Variants in MAGI1 observed in about 807,000 individuals in gnomAD.
The protein encoded by MAGI1 is membrane-associated guanylate kinase, WW and PDZ domain-containing protein 1.
In MAGI1, 58 loss-of-function variants were observed where a neutral mutation model predicts 139.9. That is an observed-to-expected ratio of 0.41 (90% CI 0.34 to 0.52). The LOEUF (loss-of-function observed/expected upper bound fraction) is 0.52, where lower values mean the gene tolerates loss of function less well. Ranked by LOEUF, MAGI1 falls within the 20% of genes least tolerant of loss-of-function variation. The pLI is 0.12. For synonymous variants in MAGI1, 812 were observed against 737.9 expected (o/e 1.10, Z -1.63); for missense variants, 1,874 against 1,901.6 (o/e 0.99, Z 0.27).
chr3:65,972,135 G>A (rs2065040650), intron 1 of MAGI1, among the ~76,000 whole-genome samples: 1 of 152,164 alleles, frequency 6.6e-6, no homozygotes, highest in Non-Finnish European at 1.5e-5. Flanking sequence ...TTGCAAAGCA[G>A]TTCTTATCTC....
intron 1 of MAGI1, among the ~76,000 whole-genome samples, chr3:65,698,188 A>G (rs1271645381): frequency 8.4e-6 from 1 of 119,544 alleles, no homozygotes; most frequent in Admixed American, 7.7e-5. Context: ...GGACCTCTTC[A>G]AGGAGAACTA....
At chr3:65,943,049 C>G (rs2063386770) in intron 1 of MAGI1, among the ~76,000 whole-genome samples, 1 of 152,048 alleles carries the variant, frequency 6.6e-6, no homozygotes, top group Non-Finnish European at 1.5e-5. Context: ...AAAATGTTCA[C>G]AATACTGTTT....
intron 1 of MAGI1, among the ~76,000 whole-genome samples, chr3:65,964,638 T>C (rs2064645343): frequency 6.6e-6 from 1 of 152,230 alleles, no homozygotes; most frequent in South Asian, 2.1e-4. Flanking sequence ...AAGGCAGGGC[T>C]ATCGCCCTTA....
chr3:65,578,025 C>T lies in MAGI1; in HGVS notation c.430+43947G>A, dbSNP rs182859090. On this transcript the variant is annotated intron_variant, in intron 2 of 22. Coordinates refer to ENST00000402939, the MANE Select transcript of MAGI1 (RefSeq NM_001033057.2). ...ATTCTACTGGAAATGCAATGCTGTCCGCCCCTTGGCCTTCTACCCAGCATG... is the reference window on the plus strand; with the variant it reads ...ATTCTACTGGAAATGCAATGCTGTCTGCCCCTTGGCCTTCTACCCAGCATG... Among the ~76,000 whole-genome samples, 101 of 152,306 alleles carry T rather than the reference C, an allele frequency of 6.6e-4. 2 individuals are homozygous for T. The East Asian group carries it at 0.019, about 28-fold the overall frequency.
chr3:65,670,582 G>A (rs1354410993), intron 1 of MAGI1, among the ~76,000 whole-genome samples: 2 of 151,956 alleles, frequency 1.3e-5, no homozygotes, highest in African/African-American at 4.8e-5. Flanking sequence ...TATAACAAAG[G>A]TCTTTACCTG....
chr3:65,597,509 C>G (rs2082272263), intron 2 of MAGI1, among the ~76,000 whole-genome samples: 1 of 151,884 alleles, frequency 6.6e-6, no homozygotes, highest in African/African-American at 2.4e-5. Context: ...TTTCTCCCCC[C>G]TCCCCCTTCC....
At chr3:65,901,755 T>C (rs1281815711) in intron 1 of MAGI1, among the ~76,000 whole-genome samples, 1 of 152,192 alleles carries the variant, frequency 6.6e-6, no homozygotes, top group Non-Finnish European at 1.5e-5. Context: ...AGACTAATTC[T>C]ACTGTTCTCA....
At chr3:65,589,390 T>C (rs2081854261) in intron 2 of MAGI1, among the ~76,000 whole-genome samples, 1 of 152,132 alleles carries the variant, frequency 6.6e-6, no homozygotes, top group African/African-American at 2.4e-5. Context: ...TAAGTCACCC[T>C]TCCTAGGACC....
At chr3:65,972,742 C>G (rs1397298294) in intron 1 of MAGI1, among the ~76,000 whole-genome samples, 1 of 152,150 alleles carries the variant, frequency 6.6e-6, no homozygotes, top group Non-Finnish European at 1.5e-5. Context: ...TATTCACGGT[C>G]CACATTTATT....
At chr3:65,869,447 T>A (rs918760670) in intron 1 of MAGI1, among the ~76,000 whole-genome samples, 1 of 149,262 alleles carries the variant, frequency 6.7e-6, no homozygotes, top group Non-Finnish European at 1.5e-5. Flanking sequence ...CTCACCCAGG[T>A]TGGAGTGCAG....
At position 65,478,618 on chromosome 3, in the gene MAGI1, A is replaced by G; in HGVS notation, c.731T>C (p.Val244Ala). 6.2e-7 allele frequency: 1 copy of G among 1,614,062 alleles called. No homozygotes were observed. Among genetic ancestry groups the G allele is most frequent in the African/African-American group, 1.3e-5 (1 of 75,034 alleles). The change falls in exon 4 of 23, where the codon GTT becomes GCT. Residue 244 changes from valine (V) to alanine (A), a missense_variant. Coordinates refer to ENST00000402939, the MANE Select transcript of MAGI1 (RefSeq NM_001033057.2). ...TGTAAAGCTGCTGTTCATTTCAGGAACGTCATCCTCCTCCTCATTCTCCGC... is the reference window on the plus strand; with the variant it reads ...TGTAAAGCTGCTGTTCATTTCAGGAGCGTCATCCTCCTCCTCATTCTCCGC... The part of the protein sequence containing the change: ...VHAENEEEDD[V>A]PEMNSSFTAD...
chr3:65,470,264 A>C lies in MAGI1; in HGVS notation c.959+19T>G, dbSNP rs113621770. 1.3e-6 allele frequency: 2 copies of C among 1,532,116 alleles called. No individual in the cohort carries two copies. Among genetic ancestry groups the C allele is most frequent in the African/African-American group, 1.4e-5 (1 of 73,236 alleles). 94.9% of individuals were successfully genotyped at this position (1,532,116 alleles called of 1,614,324 possible). A position where few individuals can be genotyped will look rare whatever the true frequency, so the allele number is the denominator to read the frequency against. On this transcript the variant is annotated intron_variant, in intron 5 of 22. Coordinates refer to ENST00000402939, the MANE Select transcript of MAGI1 (RefSeq NM_001033057.2). ...AAGAAAGAGAGAGAGATTTAGGTAGAAATAATGGTATACTTTACTCTATAA... is the reference window on the plus strand; with the variant it reads ...AAGAAAGAGAGAGAGATTTAGGTAGCAATAATGGTATACTTTACTCTATAA...
intron 1 of MAGI1, among the ~76,000 whole-genome samples, chr3:66,017,827 C>G (rs1361094903): frequency 1.3e-5 from 2 of 152,094 alleles, no homozygotes; most frequent in Non-Finnish European, 2.9e-5. Flanking sequence ...CAGGTGAGAG[C>G]TGGAAGTCAT....
chr3:65,996,448 A>G (rs2066452802), intron 1 of MAGI1, among the ~76,000 whole-genome samples: 1 of 151,880 alleles, frequency 6.6e-6, no homozygotes, highest in Non-Finnish European at 1.5e-5. Flanking sequence ...AAACTAAAAA[A>G]GAGATACAGG....
intron 1 of MAGI1, among the ~76,000 whole-genome samples, chr3:65,928,071 C>T (rs981771193): frequency 4.6e-5 from 7 of 152,098 alleles, no homozygotes; most frequent in Admixed American, 3.9e-4. Flanking sequence ...ATATGCAACA[C>T]GAGTTACTTT....
At chr3:65,747,593 T>C (rs1188798831) in intron 1 of MAGI1, among the ~76,000 whole-genome samples, 1 of 152,208 alleles carries the variant, frequency 6.6e-6, no homozygotes, top group East Asian at 1.9e-4. Context: ...ATAAAAGCTC[T>C]TTGGTGTCCT....
intron 1 of MAGI1, among the ~76,000 whole-genome samples, chr3:65,861,985 G>A (rs1369197894): frequency 9.9e-5 from 15 of 152,138 alleles, no homozygotes; most frequent in Admixed American, 9.8e-4. Flanking sequence ...CAAAGACCAT[G>A]CCCTGTCTCT....
Position 65,983,638 on chromosome 3 carries a change from T to G in MAGI1, c.313+54358A>C, listed in dbSNP as rs377020156. On this transcript the variant is annotated intron_variant, in intron 1 of 22. Transcript: ENST00000402939. ...GATAGCAGTCTTTTAAATAAGTCAT[T>G]TCCCCACCCCTCCTTATCTCTCTCT... Among the ~76,000 whole-genome samples, 9 of 152,294 alleles carry G rather than the reference T, an allele frequency of 5.9e-5. No individual in the cohort carries two copies. In the East Asian group the frequency reaches 1.2e-3, roughly 20 times the overall value.
intron 1 of MAGI1, among the ~76,000 whole-genome samples, chr3:65,859,003 C>A (rs2059456149): frequency 6.6e-6 from 1 of 152,146 alleles, no homozygotes; most frequent in South Asian, 2.1e-4. Context: ...ACACGTTGGC[C>A]TGCTGTGTGC....
Sources: allele counts gnomAD v4.1 joint callset (sites outside exome capture counted in the v4.1 genomes callset), GRCh38; gene constraint gnomAD v4.1.1; transcripts MANE v1.5; gene names NCBI Gene and HGNC (gene_info 2026-07-23, HGNC 2026-07-21).